STRIP2: variants seen among roughly 807,000 people sequenced by gnomAD.
STRIP2 encodes the protein striatin-interacting protein 2.
Under a neutral mutation model 107.1 loss-of-function variants are expected in STRIP2, and 84 were observed. The observed-to-expected ratio is 0.78, with a 90% CI of 0.66 to 0.94. The LOEUF (loss-of-function observed/expected upper bound fraction) is 0.94, where lower values mean the gene tolerates loss of function less well. STRIP2 is among the 40% of genes least tolerant of loss of function. STRIP2 has a pLI of 0.00. For synonymous variants in STRIP2, 394 were observed against 400.4 expected, an observed-to-expected ratio of 0.98 and a Z score of 0.19; for missense variants, 888 against 1,034.2, an observed-to-expected ratio of 0.86 and a Z score of 1.94.
At position 129,460,239 on chromosome 7, in the gene STRIP2, GA is replaced by G. The variant is rs34908484; in HGVS notation, c.1405-61del. 7.7e-3 allele frequency: 11,078 copies of G among 1,445,246 alleles called. 705 individuals are homozygous for G. The African/African-American group carries it at 0.14, about 18-fold the overall frequency. The allele number at this position is 1,445,246 out of a possible 1,614,324, so 89.5% of individuals were successfully genotyped here. ...CCTTGCTTTTGGGGAATTTAAGTAA[GA>G]GACTGGTACACATGTGAATGAGGCC... On this transcript the variant is annotated intron_variant, in intron 12 of 20. Coordinates refer to ENST00000249344, the MANE Select transcript of STRIP2 (RefSeq NM_020704.3).
Position 129,483,283 on chromosome 7 carries a change from ATAAT to A in STRIP2, c.2254+243_2254+246del. The A allele has an allele frequency of 8.1e-7, 1 of 1,238,668 alleles. No individual in the cohort carries two copies. The highest frequency in any genetic ancestry group is 1.0e-6 in the Non-Finnish European group (1 of 988,550). 76.7% of individuals were successfully genotyped at this position (1,238,668 alleles called of 1,614,324 possible). ...TTTTATAAAACAAGTAAATTGAGAGATAATTAATTGCCTTTCCAAAACATTCTTT... is the reference window on the plus strand; with the variant it reads ...TTTTATAAAACAAGTAAATTGAGAGATAATTGCCTTTCCAAAACATTCTTT... On this transcript the variant is annotated intron_variant, in intron 20 of 20. Coordinates refer to ENST00000249344, the MANE Select transcript of STRIP2 (RefSeq NM_020704.3). This position sits in a 1 kb window ranked among gnomAD's most constrained non-coding sequence, Gnocchi z 5.1.
intron 1 of STRIP2, among the ~76,000 whole-genome samples, chr7:129,435,139 G>C (rs1472527799): frequency 2.6e-5 from 4 of 152,204 alleles, no homozygotes; most frequent in Non-Finnish European, 5.9e-5. Flanking sequence ...GGCCGTTTCG[G>C]GAGCGCCTTC....
chr7:129,483,130 G>A lies in STRIP2; in HGVS notation c.2254+84G>A, dbSNP rs1799171223. 7 of 1,513,210 alleles carry A rather than the reference G, an allele frequency of 4.6e-6. No individual in the cohort carries two copies. The Middle Eastern group carries it at 1.0e-3, about 227-fold the overall frequency. The allele number at this position is 1,513,210 out of a possible 1,614,324, so 93.7% of individuals were successfully genotyped here. ...ATAAATATTTATCACTCCTCTTTTG[G>A]CATGAATTGTTACATATTTTAGATG... On this transcript the variant is annotated intron_variant, in intron 20 of 20. Transcript: ENST00000249344. The surrounding 1 kb of genome is among the most constrained non-coding windows in gnomAD (Gnocchi z 5.1).
chr7:129,455,977 G>C (rs1250003991), intron 8 of STRIP2, among the ~76,000 whole-genome samples: 1 of 151,868 alleles, frequency 6.6e-6, no homozygotes, highest in African/African-American at 2.4e-5. Context: ...ATAAATATGT[G>C]GTTACATTTC....
At chr7:129,456,802 C>T (rs1217599628) in intron 9 of STRIP2, among the ~76,000 whole-genome samples, 160 bp downstream of exon 9, 1 of 152,102 alleles carries the variant, frequency 6.6e-6, no homozygotes, top group African/African-American at 2.4e-5. Context: ...TCTAGTTTGG[C>T]CTCTGTCCCC....
intron 1 of STRIP2, among the ~76,000 whole-genome samples, chr7:129,438,461 G>A (rs1797809108): frequency 1.3e-5 from 2 of 152,174 alleles, no homozygotes; most frequent in South Asian, 4.1e-4. Flanking sequence ...CGAAGTGCTA[G>A]GCCGTGTGCC....
At position 129,458,887 on chromosome 7, in the gene STRIP2, C is replaced by A; in HGVS notation, c.1340+110C>A. 1 of 1,046,090 alleles carries A rather than the reference C, an allele frequency of 9.6e-7. No homozygotes were observed. The highest frequency in any genetic ancestry group is 1.5e-6 in the Non-Finnish European group (1 of 679,732). 64.8% of individuals were successfully genotyped at this position (1,046,090 alleles called of 1,614,324 possible). ...CTGGTGGTCATAATGTAACCTAGAG[C>A]CCCTAGGCCATGGACAACTCCCAGT... On this transcript the variant is annotated intron_variant, in intron 11 of 20. Coordinates refer to ENST00000249344, the MANE Select transcript of STRIP2 (RefSeq NM_020704.3). The surrounding 1 kb of genome is among the most constrained non-coding windows in gnomAD (Gnocchi z 4.6).
At chr7:129,460,566 C>T in intron 13 of STRIP2, 194 bp downstream of exon 13, 1 of 584,950 alleles carries the variant, frequency 1.7e-6, no homozygotes, top group South Asian at 2.0e-5. Context: ...GTAAACCAAA[C>T]TATCAGAGAA....
chr7:129,472,933 C>T (rs762344042), intron 18 of STRIP2, among the ~76,000 whole-genome samples: 4 of 151,448 alleles, frequency 2.6e-5, no homozygotes, highest in Non-Finnish European at 5.9e-5. Flanking sequence ...ACTACAGGCA[C>T]GTGCCACCAT....
At chr7:129,468,931 C>T (rs1310030750) in intron 17 of STRIP2, among the ~76,000 whole-genome samples, 1 of 152,210 alleles carries the variant, frequency 6.6e-6, no homozygotes, top group Non-Finnish European at 1.5e-5. Context: ...ATTTCCACTC[C>T]AGTTTCCTCT....
At chr7:129,473,874 C>T (rs1461020209) in intron 18 of STRIP2, among the ~76,000 whole-genome samples, 8 of 151,482 alleles carry the variant, frequency 5.3e-5, no homozygotes, top group Admixed American at 1.3e-4. Context: ...CATGCCACCA[C>T]GCCTGGCTAA....
Position 129,458,902 on chromosome 7 carries a change from C to A in STRIP2, c.1340+125C>A. 2.4e-6 allele frequency: 2 copies of A among 830,272 alleles called. No homozygotes were observed. The highest frequency in any genetic ancestry group is 4.0e-6 in the Non-Finnish European group (2 of 505,946). 51.4% of individuals were successfully genotyped at this position (830,272 alleles called of 1,614,324 possible). The stretch of plus-strand genomic sequence containing the variant: ...TAACCTAGAGCCCCTAGGCCATGGA[C>A]AACTCCCAGTGACTACTTTGGGTTC... On this transcript the variant is annotated intron_variant, in intron 11 of 20. Coordinates refer to ENST00000249344, the MANE Select transcript of STRIP2 (RefSeq NM_020704.3). The surrounding 1 kb of genome is among the most constrained non-coding windows in gnomAD (Gnocchi z 4.6).
At chr7:129,455,762 CCCT>C (rs1798329314) in intron 8 of STRIP2, among the ~76,000 whole-genome samples, 1 of 152,082 alleles carries the variant, frequency 6.6e-6, no homozygotes, top group South Asian at 2.1e-4. Context: ...TGCCTGCCCT[CCCT>C]CCAGATAAAC....
At chr7:129,442,401 C>G (rs944872449) in intron 2 of STRIP2, among the ~76,000 whole-genome samples, 1 of 152,100 alleles carries the variant, frequency 6.6e-6, no homozygotes, top group Non-Finnish European at 1.5e-5. Flanking sequence ...GTGAAGGATA[C>G]ACACCAATTT....
chr7:129,437,353 A>G (rs1040673061), intron 1 of STRIP2, among the ~76,000 whole-genome samples: 1 of 152,066 alleles, frequency 6.6e-6, no homozygotes, highest in Non-Finnish European at 1.5e-5. Flanking sequence ...AGGCTGAATC[A>G]CTTAAGTCTA....
chr7:129,482,592 G>A (rs890350919), intron 19 of STRIP2, among the ~76,000 whole-genome samples: 1 of 151,764 alleles, frequency 6.6e-6, no homozygotes, highest in African/African-American at 2.4e-5. Flanking sequence ...TGGCCAGGGT[G>A]GTCTCAAACT....
chr7:129,485,551 T>C (rs753215594), intron 20 of STRIP2, 28 bp from the exon 21 acceptor site: 1 of 1,612,836 alleles, frequency 6.2e-7, no homozygotes, highest in South Asian at 1.1e-5. Flanking sequence ...GCATTGTATG[T>C]CTTCTTCTTC....
chr7:129,475,171 G>A (rs1359608419), intron 18 of STRIP2, among the ~76,000 whole-genome samples: 2 of 151,952 alleles, frequency 1.3e-5, no homozygotes, highest in African/African-American at 4.9e-5. Flanking sequence ...TTGAAAGGAG[G>A]TTGCTGGAGA....
intron 1 of STRIP2, among the ~76,000 whole-genome samples, chr7:129,435,772 TATCATCATC>T (rs371261391): frequency 5.3e-4 from 80 of 152,144 alleles, no homozygotes; most frequent in African/African-American, 1.8e-3. Flanking sequence ...AGTATATTGC[TATCATCATC>T]ATCATCATCA....
Sources: gnomAD v4.1 joint callset for allele counts (sites outside exome capture counted in the v4.1 genomes callset) on GRCh38, gnomAD v4.1.1 for gene constraint, Gnocchi (gnomAD v3.1) non-coding constraint, MANE v1.5 for transcripts, NCBI Gene and HGNC (gene_info 2026-07-23, HGNC 2026-07-21) for gene names.